Variants in MAN2A1 observed in about 807,000 individuals in gnomAD.
MAN2A1 encodes alpha-mannosidase 2.
MAN2A1 carries 76 observed loss-of-function variants against 142.6 expected under a neutral mutation model. That is an observed-to-expected ratio of 0.53 (90% CI 0.44 to 0.65). MAN2A1 has a LOEUF of 0.65. Ranked by LOEUF, MAN2A1 falls within the 30% of genes least tolerant of loss-of-function variation. MAN2A1 has a pLI of 0.00. For synonymous variants in MAN2A1, 559 were observed against 473.2 expected, an observed-to-expected ratio of 1.18 and a Z score of -2.35; for missense variants, 1,311 against 1,365.1, an observed-to-expected ratio of 0.96 and a Z score of 0.62.
intron 20 of MAN2A1, among the ~76,000 whole-genome samples, chr5:109,855,553 C>A (rs540730914): frequency 6.6e-6 from 1 of 152,054 alleles, no homozygotes; most frequent in Non-Finnish European, 1.5e-5. Flanking sequence ...TTCTGTATGG[C>A]GAGCAGGTCA....
rs1348967706 is a variant in MAN2A1, at chr5:109,690,372, T to C, written c.-46T>C. ...TTCCTAGAGTCCACAGTGCGCTGTC[T>C]CCTTTGGCTGAGGAGAGTGTCCTGG... On this transcript the variant is annotated 5_prime_UTR_variant, in exon 1 of 22. Transcript: ENST00000261483. The C allele has an allele frequency of 6.2e-7, 1 of 1,611,536 alleles. No individual in the cohort carries two copies. Among genetic ancestry groups the C allele is most frequent in the African/African-American group, 1.3e-5 (1 of 74,992 alleles).
intron 12 of MAN2A1, among the ~76,000 whole-genome samples, chr5:109,805,186 CT>C (rs1454339384): frequency 1.3e-5 from 2 of 152,078 alleles, no homozygotes; most frequent in Non-Finnish European, 2.9e-5. Flanking sequence ...TGACAAGACT[CT>C]TGGGGTCAGC....
At chr5:109,741,179 A>G (rs1752257661) in intron 4 of MAN2A1, among the ~76,000 whole-genome samples, 1 of 152,148 alleles carries the variant, frequency 6.6e-6, no homozygotes, top group Non-Finnish European at 1.5e-5. Context: ...GAACAGTATC[A>G]TTTTGCTTGA....
At chr5:109,833,148 G>A (rs1455577965) in intron 16 of MAN2A1, among the ~76,000 whole-genome samples, 2 of 151,206 alleles carry the variant, frequency 1.3e-5, no homozygotes, top group African/African-American at 2.4e-5. Context: ...TTCCCAGAGG[G>A]GATGGCGGCT....
chr5:109,713,642 T>C lies in MAN2A1; in HGVS notation c.258T>C (p.Gly86=), dbSNP rs757671315. 7 of 1,614,192 alleles carry C rather than the reference T, an allele frequency of 4.3e-6. No homozygotes were observed. The highest frequency in any genetic ancestry group is 5.9e-6 in the Non-Finnish European group (7 of 1,180,024). The part of the protein sequence containing the change: ...VINLSESVED[G]PKSSQSNFSQ... The stretch of plus-strand genomic sequence containing the variant: ...ATTTGAGTGAGTCTGTGGAGGATGG[T>C]CCGAAAAGTTCACAAAGCAATTTCA... The change falls in exon 2 of 22, where the codon GGT becomes GGC. Residue 86 remains glycine, a synonymous_variant. Coordinates refer to ENST00000261483, the MANE Select transcript of MAN2A1 (RefSeq NM_002372.4).
At chr5:109,836,940 T>C (rs1373828462) in intron 16 of MAN2A1, among the ~76,000 whole-genome samples, 2 of 152,020 alleles carry the variant, frequency 1.3e-5, no homozygotes, top group Admixed American at 1.3e-4. Context: ...GCTATACAAA[T>C]GCTACATTTA....
At chr5:109,820,996 T>C (rs1367142495) in intron 15 of MAN2A1, among the ~76,000 whole-genome samples, 1 of 152,208 alleles carries the variant, frequency 6.6e-6, no homozygotes, top group African/African-American at 2.4e-5. Context: ...ATTTTTCTCC[T>C]TAACTTTCAG....
At chr5:109,756,951 A>G (rs556530132) in intron 5 of MAN2A1, among the ~76,000 whole-genome samples, 3 of 152,320 alleles carry the variant, frequency 2.0e-5, no homozygotes, top group East Asian at 1.9e-4. Context: ...CTGAGTCTGT[A>G]ATGAGTTTCC....
Position 109,690,092 on chromosome 5 carries a change from T to G in MAN2A1, c.-326T>G, listed in dbSNP as rs1283581207. 7.2e-6 allele frequency: 2 copies of G among 279,342 alleles called. No homozygotes were observed. The highest frequency in any genetic ancestry group is 8.9e-5 in the East Asian group (1 of 11,276). The allele number at this position is 279,342 out of a possible 1,614,324, so 17.3% of individuals were successfully genotyped here. A position where few individuals can be genotyped will look rare whatever the true frequency, so the allele number is the denominator to read the frequency against. On this transcript the variant is annotated 5_prime_UTR_variant, in exon 1 of 22. Transcript: ENST00000261483. Reference sequence around the variant, plus strand: ...AGGAAGTGCGGGCAGCGACCTCTCCTCCGCCTGCCCCGCGCGCCCTGCCGG... The same window carrying G: ...AGGAAGTGCGGGCAGCGACCTCTCCGCCGCCTGCCCCGCGCGCCCTGCCGG...
chr5:109,773,269 G>A (rs1753195987), intron 7 of MAN2A1, among the ~76,000 whole-genome samples: 1 of 152,130 alleles, frequency 6.6e-6, no homozygotes, highest in Non-Finnish European at 1.5e-5. Flanking sequence ...TGAGAGTTAG[G>A]ATAGATGTGA....
chr5:109,722,255 A>G (rs1751625587), intron 3 of MAN2A1, among the ~76,000 whole-genome samples: 1 of 152,190 alleles, frequency 6.6e-6, no homozygotes, highest in Non-Finnish European at 1.5e-5. Context: ...TCACTGCACT[A>G]TCTCCTATCC....
At chr5:109,823,431 A>G (rs987244232) in intron 15 of MAN2A1, among the ~76,000 whole-genome samples, 1 of 152,112 alleles carries the variant, frequency 6.6e-6, no homozygotes, top group Non-Finnish European at 1.5e-5. Flanking sequence ...ATAAGTAACT[A>G]TATGGACAAA....
At chr5:109,826,862 T>G (rs1754773249) in intron 16 of MAN2A1, among the ~76,000 whole-genome samples, 1 of 152,242 alleles carries the variant, frequency 6.6e-6, no homozygotes, top group South Asian at 2.1e-4. Flanking sequence ...TGGCCTCCTG[T>G]AAATCAGACA....
intron 12 of MAN2A1, among the ~76,000 whole-genome samples, chr5:109,795,603 A>G (rs1582904895): frequency 1.3e-5 from 2 of 152,180 alleles, no homozygotes; most frequent in Admixed American, 6.5e-5. Flanking sequence ...GAAAAATGCA[A>G]TTACTTGCTG....
intron 12 of MAN2A1, among the ~76,000 whole-genome samples, chr5:109,812,646 A>G (rs1554080787): frequency 1.7e-4 from 26 of 152,122 alleles, no homozygotes; most frequent in Non-Finnish European, 3.8e-4. Context: ...ATGAGCTCTA[A>G]TTTTTGCTTT....
intron 12 of MAN2A1, among the ~76,000 whole-genome samples, chr5:109,792,231 TTA>T: frequency 6.6e-6 from 1 of 152,246 alleles, no homozygotes; most frequent in Admixed American, 6.5e-5. Context: ...TGTTATCTTT[TTA>T]GTTATCTAGG....
intron 8 of MAN2A1, among the ~76,000 whole-genome samples, chr5:109,777,754 G>A (rs1175694027): frequency 6.6e-6 from 1 of 151,960 alleles, no homozygotes; most frequent in East Asian, 1.9e-4. Flanking sequence ...TGAGGGTAGG[G>A]ATCAAGATAC....
intron 12 of MAN2A1, among the ~76,000 whole-genome samples, chr5:109,813,899 C>T (rs1244653310): frequency 3.3e-5 from 5 of 152,138 alleles, no homozygotes; most frequent in Admixed American, 6.5e-5. Context: ...TTTGTCCATT[C>T]GTTTTTCTCC....
chr5:109,766,728 G>A lies in MAN2A1; in HGVS notation c.836-807G>A, dbSNP rs535320444. 5.8e-4 allele frequency among the ~76,000 whole-genome samples: 88 copies of A among 152,212 alleles called. 1 individual carries two copies. In the South Asian group the frequency reaches 0.018, roughly 31 times the overall value. Reference sequence around the variant, plus strand: ...ACACACAGCAATATTACTTATGTCAGTTTATAAGTTGTAAGTAGACACTTT... The same window carrying A: ...ACACACAGCAATATTACTTATGTCAATTTATAAGTTGTAAGTAGACACTTT... On this transcript the variant is annotated intron_variant, in intron 5 of 21. Coordinates refer to ENST00000261483, the MANE Select transcript of MAN2A1 (RefSeq NM_002372.4).
Sources: gnomAD v4.1 joint callset for allele counts (sites outside exome capture counted in the v4.1 genomes callset) on GRCh38, gnomAD v4.1.1 for gene constraint, MANE v1.5 for transcripts, NCBI Gene and HGNC (gene_info 2026-07-23, HGNC 2026-07-21) for gene names.